Variants in PLPPR1 observed in about 807,000 individuals in gnomAD.
The protein encoded by PLPPR1 is phospholipid phosphatase-related protein type 1.
A neutral mutation model predicts 33.1 loss-of-function variants in PLPPR1; 10 were observed. That is an observed-to-expected ratio of 0.30 (90% CI 0.19 to 0.51). The LOEUF is 0.51. Among genes scored for constraint, PLPPR1 ranks in the 20% least tolerant of loss-of-function variants. PLPPR1 has a pLI of 0.97. For missense variants in PLPPR1, 304 were observed against 408.1 expected, an observed-to-expected ratio of 0.74 and a Z score of 2.20; for synonymous variants, 151 against 151.0, an observed-to-expected ratio of 1.00 and a Z score of 0.00.
At chr9:101,162,962 A>G (rs1391255640) in intron 1 of PLPPR1, among the ~76,000 whole-genome samples, 2 of 152,186 alleles carry the variant, frequency 1.3e-5, no homozygotes, top group African/African-American at 2.4e-5. Flanking sequence ...CGGCTGACAT[A>G]TAGCCTGCAA....
intron 1 of PLPPR1, among the ~76,000 whole-genome samples, chr9:101,053,407 C>G (rs1219388274): frequency 6.6e-6 from 1 of 152,158 alleles, no homozygotes; most frequent in Non-Finnish European, 1.5e-5. Context: ...TTACAATATC[C>G]TTTGTGTCCA....
chr9:101,301,995 A>G (rs147591893), intron 4 of PLPPR1, among the ~76,000 whole-genome samples: 1 of 152,304 alleles, frequency 6.6e-6, no homozygotes, highest in African/African-American at 2.4e-5. Context: ...ATGCTTATCC[A>G]TATGTATGTT....
intron 4 of PLPPR1, among the ~76,000 whole-genome samples, chr9:101,300,486 A>G (rs1828732953): frequency 6.6e-6 from 1 of 152,208 alleles, no homozygotes; most frequent in Non-Finnish European, 1.5e-5. Flanking sequence ...ACATTAGAAC[A>G]TAATGAAATT....
intron 1 of PLPPR1, among the ~76,000 whole-genome samples, chr9:101,131,019 GAAT>G (rs1831307635): frequency 6.6e-6 from 1 of 152,152 alleles, no homozygotes; most frequent in Non-Finnish European, 1.5e-5. Flanking sequence ...TTTGTTGTGA[GAAT>G]AATAATCATG....
At chr9:101,149,060 A>C (rs1049848724) in intron 1 of PLPPR1, among the ~76,000 whole-genome samples, 1 of 152,182 alleles carries the variant, frequency 6.6e-6, no homozygotes, top group Non-Finnish European at 1.5e-5. Context: ...TGAAATATCT[A>C]GGTAATAAGC....
chr9:101,294,529 T>A (rs1828583199), intron 4 of PLPPR1, among the ~76,000 whole-genome samples: 1 of 152,066 alleles, frequency 6.6e-6, no homozygotes. Context: ...ATATCCTTGA[T>A]GAACATTGAT....
At chr9:101,228,942 C>A (rs752342183) in intron 2 of PLPPR1, among the ~76,000 whole-genome samples, 1 of 40,738 alleles carries the variant, frequency 2.5e-5, no homozygotes, top group African/African-American at 4.4e-4. Flanking sequence ...CTCCCACCCA[C>A]CCTCAAGTCA....
At chr9:101,033,545 A>G (rs1352176168) in intron 1 of PLPPR1, among the ~76,000 whole-genome samples, 1 of 152,126 alleles carries the variant, frequency 6.6e-6, no homozygotes, top group Non-Finnish European at 1.5e-5. Context: ...AAATATAGGG[A>G]TTAAGGAGAG....
rs535157966 is a variant in PLPPR1 at position 101,100,013 on chromosome 9, A to G, written c.-46+70911A>G. ...AATGAGAAAGAGTTATAGATTTGGGAAAAAAATGTGGTGGCTGATTATTTT... is the reference window on the plus strand; with the variant it reads ...AATGAGAAAGAGTTATAGATTTGGGGAAAAAATGTGGTGGCTGATTATTTT... On this transcript the variant is annotated intron_variant, in intron 1 of 7. Transcript: ENST00000374874. 7.2e-5 allele frequency among the ~76,000 whole-genome samples: 11 copies of G among 152,162 alleles called. No individual in the cohort carries two copies. In the East Asian group the frequency reaches 7.7e-4, roughly 11 times the overall value.
intron 1 of PLPPR1, chr9:101,125,660 C>G (rs1831237045): frequency 3.3e-6 from 2 of 598,974 alleles, no homozygotes; most frequent in Non-Finnish European, 3.1e-6. Context: ...CATGGCAATT[C>G]ACATATTTAG....
intron 1 of PLPPR1, among the ~76,000 whole-genome samples, chr9:101,156,128 G>A (rs1163876481): frequency 6.6e-6 from 1 of 152,166 alleles, no homozygotes; most frequent in Non-Finnish European, 1.5e-5. Flanking sequence ...TGGGAATTCA[G>A]CATATATAAT....
chr9:101,301,273 T>TA (rs1299648982), intron 4 of PLPPR1, among the ~76,000 whole-genome samples: 1 of 152,212 alleles, frequency 6.6e-6, no homozygotes, highest in Non-Finnish European at 1.5e-5. Context: ...TTCAGGTTGT[T>TA]ACAATTGTAG....
At chr9:101,086,046 GT>G (rs1405888955) in intron 1 of PLPPR1, among the ~76,000 whole-genome samples, 2 of 152,148 alleles carry the variant, frequency 1.3e-5, no homozygotes, top group African/African-American at 2.4e-5. Flanking sequence ...TTTATTGAGT[GT>G]TTTTATCATG....
chr9:101,226,639 C>A (rs1827075815), intron 2 of PLPPR1, among the ~76,000 whole-genome samples: 1 of 152,006 alleles, frequency 6.6e-6, no homozygotes, highest in South Asian at 2.1e-4. Context: ...GAAACTAATC[C>A]CATTTATGAG....
intron 2 of PLPPR1, among the ~76,000 whole-genome samples, chr9:101,252,135 ATG>A (rs1395032908): frequency 6.6e-6 from 1 of 152,164 alleles, no homozygotes; most frequent in Non-Finnish European, 1.5e-5. Flanking sequence ...GCCAGTAGCT[ATG>A]TATGGCCACT....
intron 3 of PLPPR1, among the ~76,000 whole-genome samples, chr9:101,271,546 A>T (rs547508185): frequency 6.6e-6 from 1 of 152,168 alleles, no homozygotes; most frequent in South Asian, 2.1e-4. Context: ...TATGTCTCTT[A>T]CCAGCCTACA....
intron 6 of PLPPR1, among the ~76,000 whole-genome samples, chr9:101,316,052 T>C (rs1000808864): frequency 2.0e-5 from 3 of 152,162 alleles, no homozygotes; most frequent in Non-Finnish European, 4.4e-5. Flanking sequence ...ATAAGTAACT[T>C]GCCCAATAGC....
intron 1 of PLPPR1, among the ~76,000 whole-genome samples, 181 bp downstream of exon 1, chr9:101,029,283 G>A (rs73508725): frequency 2.7e-3 from 416 of 152,332 alleles, no homozygotes; most frequent in African/African-American, 9.1e-3. Context: ...AACCCAGGGA[G>A]GGTCGCCTCC....
At chr9:101,088,576 C>A (rs890803679) in intron 1 of PLPPR1, among the ~76,000 whole-genome samples, 3 of 151,850 alleles carry the variant, frequency 2.0e-5, no homozygotes, top group Non-Finnish European at 2.9e-5. Context: ...AAAAATAAAA[C>A]GCAGAGTTTG....
Sources: allele counts gnomAD v4.1 joint callset (sites outside exome capture counted in the v4.1 genomes callset), GRCh38; gene constraint gnomAD v4.1.1; transcripts MANE v1.5; gene names NCBI Gene and HGNC (gene_info 2026-07-23, HGNC 2026-07-21).